Variants in CHAT observed in about 807,000 individuals in gnomAD.
CHAT encodes the protein acetyl CoA:choline O-acetyltransferase.
Under a neutral mutation model 76.9 loss-of-function variants are expected in CHAT, and 61 were observed. The observed-to-expected ratio is 0.79, with a 90% CI of 0.65 to 0.98. The LOEUF is 0.98. Ranked by LOEUF, CHAT falls within the 50% of genes least tolerant of loss-of-function variation. The probability of loss-of-function intolerance (pLI) is 0.00; values close to 1 mark genes in which losing one functional copy is unlikely to be tolerated. For synonymous variants in CHAT, 407 were observed against 397.4 expected (o/e 1.02, Z -0.29); for missense variants, 946 against 986.9 (o/e 0.96, Z 0.56).
In CHAT at chr10:49,619,750, C is replaced by T. The variant is rs557059182; in HGVS notation, c.413C>T (p.Pro138Leu). Residue 138 changes from proline (P) to leucine (L), a missense_variant, in exon 3 of 15, where the codon CCG (proline) becomes CTG (leucine). By Grantham distance (98) the Pro-to-Leu change is moderately conservative. Transcript: ENST00000337653. Reference sequence around the variant, plus strand: ...GGGCTGCCCAAACTGCCCGTGCCCCCGCTGCAGCAGACCCTGGCCACGTAC... The same window carrying T: ...GGGCTGCCCAAACTGCCCGTGCCCCTGCTGCAGCAGACCCTGGCCACGTAC... The part of the protein sequence containing the change: ...ESGLPKLPVP[P>L]LQQTLATYLQ... The T allele has an allele frequency of 2.9e-5, 47 of 1,613,212 alleles. No individual in the cohort carries two copies. The South Asian group carries it at 3.6e-4, about 12-fold the overall frequency.
intron 7 of CHAT, among the ~76,000 whole-genome samples, chr10:49,642,084 T>C (rs1839499513): frequency 6.6e-6 from 1 of 152,172 alleles, no homozygotes; most frequent in Admixed American, 6.5e-5. Context: ...AGCAGGCTCC[T>C]CCTATTACTC....
chr10:49,616,104 C>G, intron 1 of CHAT: 1 of 1,610,420 alleles, frequency 6.2e-7, no homozygotes, highest in East Asian at 2.2e-5. Flanking sequence ...TATGGTCTTA[C>G]CCTTGAGAAG....
chr10:49,652,075 T>C, intron 11 of CHAT, 69 bp downstream of exon 11: 1 of 1,604,744 alleles, frequency 6.2e-7, no homozygotes, highest in Admixed American at 1.7e-5. Flanking sequence ...ATCTAGGGTC[T>C]AGAAGCATCC....
chr10:49,640,503 G>T lies in CHAT; in HGVS notation c.1112-6002G>T, dbSNP rs551571649. Among the ~76,000 whole-genome samples the T allele has an allele frequency of 5.3e-5, 8 of 150,688 alleles. No homozygotes were observed. The East Asian group carries it at 1.4e-3, about 26-fold the overall frequency. On this transcript the variant is annotated intron_variant, in intron 7 of 14. Coordinates refer to ENST00000337653, the MANE Select transcript of CHAT (RefSeq NM_020549.5). Reference sequence around the variant, plus strand: ...GGGACTCCTTATTACTGCAGGGTTGGGGGGTGGAAGTTCAAGCTCCCTACA... The same window carrying T: ...GGGACTCCTTATTACTGCAGGGTTGTGGGGTGGAAGTTCAAGCTCCCTACA...
rs1840296662 is a variant in CHAT at position 49,664,646 on chromosome 10, C to T, written c.1978-131C>T. ...TTTTATGACTCTGGCTGTGTCCATCCATGCTAAAGCAATCACTTGATTTGG... is the reference window on the plus strand; with the variant it reads ...TTTTATGACTCTGGCTGTGTCCATCTATGCTAAAGCAATCACTTGATTTGG... On this transcript the variant is annotated intron_variant, in intron 14 of 14. Transcript: ENST00000337653. The T allele has an allele frequency of 3.5e-6, 4 of 1,144,838 alleles. 1 individual carries two copies. The highest frequency in any genetic ancestry group is 2.5e-5 in the South Asian group (2 of 79,780). 70.9% of individuals were successfully genotyped at this position (1,144,838 alleles called of 1,614,324 possible). A position where few individuals can be genotyped will look rare whatever the true frequency, so the allele number is the denominator to read the frequency against.
intron 13 of CHAT, among the ~76,000 whole-genome samples, chr10:49,657,153 C>T (rs984706399): frequency 1.3e-5 from 2 of 152,010 alleles, no homozygotes; most frequent in Admixed American, 6.5e-5. Context: ...TTCTGGAGGT[C>T]GGACGTCCAA....
At chr10:49,627,118 C>T (rs1224035959) in intron 6 of CHAT, among the ~76,000 whole-genome samples, 1 of 152,256 alleles carries the variant, frequency 6.6e-6, no homozygotes, top group Non-Finnish European at 1.5e-5. Context: ...TTCACTTAGC[C>T]ATTCCCCTTC....
intron 2 of CHAT, among the ~76,000 whole-genome samples, chr10:49,619,088 T>C (rs1438240340): frequency 6.6e-6 from 1 of 152,182 alleles, no homozygotes; most frequent in African/African-American, 2.4e-5. Flanking sequence ...AATCATCTTC[T>C]GAGGAACCCT....
chr10:49,645,349 G>A (rs762848792), intron 7 of CHAT, among the ~76,000 whole-genome samples: 6 of 152,276 alleles, frequency 3.9e-5, no homozygotes, highest in South Asian at 4.1e-4. Context: ...CTGGTGATAC[G>A]CAGCCCTCAC....
intron 5 of CHAT, among the ~76,000 whole-genome samples, chr10:49,625,195 G>C (rs1838872383): frequency 6.6e-6 from 1 of 152,220 alleles, no homozygotes; most frequent in African/African-American, 2.4e-5. Context: ...GAGAAGATCA[G>C]CATAAGCAAA....
intron 7 of CHAT, among the ~76,000 whole-genome samples, chr10:49,640,840 TTTTGTTTG>T (rs199505786): frequency 6.6e-6 from 1 of 152,254 alleles, no homozygotes; most frequent in Non-Finnish European, 1.5e-5. Context: ...TTGTTGATTA[TTTTGTTTG>T]TTTGTTTGTT....
At chr10:49,636,955 C>A (rs1237596498) in intron 7 of CHAT, among the ~76,000 whole-genome samples, 2 of 151,244 alleles carry the variant, frequency 1.3e-5, no homozygotes, top group East Asian at 3.9e-4. Context: ...TCATAGTATC[C>A]TCTTATTATA....
At chr10:49,614,501 G>A in intron 1 of CHAT, 26 bp downstream of exon 1, 9 of 1,537,020 alleles carry the variant, frequency 5.9e-6, no homozygotes, top group Non-Finnish European at 7.9e-6. Context: ...GGGCTGGGCT[G>A]GCGGAGCGCG....
chr10:49,663,885 C>G (rs946651165), intron 14 of CHAT, among the ~76,000 whole-genome samples: 1 of 152,180 alleles, frequency 6.6e-6, no homozygotes, highest in African/African-American at 2.4e-5. Flanking sequence ...TTATGGCCTT[C>G]GGCTATTGCA....
intron 9 of CHAT, 65 bp downstream of exon 9, chr10:49,648,672 T>C: frequency 9.7e-7 from 1 of 1,027,024 alleles, no homozygotes; most frequent in Non-Finnish European, 1.5e-6. Flanking sequence ...CTGGGGGCTG[T>C]GTCAGTCTGG....
chr10:49,664,878 C>T lies in CHAT; in HGVS notation c.2079C>T (p.Ile693=), dbSNP rs1267594592. ...AGCCAGAGACCATCCTTTTCTGCATCTCTAGCTTTCACAGCTGCAAAGAGA... is the reference window on the plus strand; with the variant it reads ...AGCCAGAGACCATCCTTTTCTGCATTTCTAGCTTTCACAGCTGCAAAGAGA... The part of the protein sequence containing the change: ...NPQPETILFC[I]SSFHSCKETS... Residue 693 remains isoleucine, a synonymous_variant, in exon 15 of 15, where the codon ATC becomes ATT. Transcript: ENST00000337653. 6.2e-7 allele frequency: 1 copy of T among 1,614,110 alleles called. No homozygotes were observed. Among genetic ancestry groups the T allele is most frequent in the Non-Finnish European group, 8.5e-7 (1 of 1,180,046 alleles).
chr10:49,609,780 G>T (rs1193939334), upstream of CHAT, among the ~76,000 whole-genome samples: 1 of 152,140 alleles, frequency 6.6e-6, no homozygotes, highest in Non-Finnish European at 1.5e-5. Flanking sequence ...AAGGGTTGGG[G>T]GTGTCCGTGT....
upstream of CHAT, among the ~76,000 whole-genome samples, chr10:49,610,147 G>A (rs979547503): frequency 6.6e-6 from 1 of 151,814 alleles, no homozygotes; most frequent in Non-Finnish European, 1.5e-5. Context: ...AGCATCTGGA[G>A]AGCGGACCCC....
chr10:49,612,394 T>C (rs1838326439), upstream of CHAT: 3 of 1,507,486 alleles, frequency 2.0e-6, no homozygotes, highest in Admixed American at 6.1e-5. Context: ...GGGGCTGCTC[T>C]GCAAGCCCAC....
Sources: allele counts gnomAD v4.1 joint callset (sites outside exome capture counted in the v4.1 genomes callset), GRCh38; gene constraint gnomAD v4.1.1; transcripts MANE v1.5; gene names NCBI Gene and HGNC (gene_info 2026-07-23, HGNC 2026-07-21).